Variants in PCDH15 observed in about 807,000 individuals in gnomAD.
PCDH15 encodes the protein protocadherin related 15.
A neutral mutation model predicts 178.5 loss-of-function variants in PCDH15; 129 were observed. The observed-to-expected ratio is 0.72, with a 90% CI of 0.63 to 0.84. The LOEUF is 0.84. Among genes scored for constraint, PCDH15 ranks in the 40% least tolerant of loss-of-function variants. The probability of loss-of-function intolerance (pLI) is 0.00; values close to 1 mark genes in which losing one functional copy is unlikely to be tolerated. For missense variants in PCDH15, 2,230 were observed against 2,099.9 expected, an observed-to-expected ratio of 1.06 and a Z score of -1.21; for synonymous variants, 800 against 732.0, an observed-to-expected ratio of 1.09 and a Z score of -1.50.
intron 1 of PCDH15, among the ~76,000 whole-genome samples, chr10:55,216,217 C>A (rs773808622): frequency 6.6e-6 from 1 of 151,710 alleles, no homozygotes; most frequent in Non-Finnish European, 1.5e-5. Flanking sequence ...TTATATAAAT[C>A]TTCTGATATA....
At chr10:54,421,667 TATAC>T (rs1444550921) in intron 3 of PCDH15, among the ~76,000 whole-genome samples, 7 of 68,412 alleles carry the variant, frequency 1.0e-4, no homozygotes, top group African/African-American at 5.2e-4. Flanking sequence ...GTAGTGTATA[TATAC>T]ATATATATAT....
chr10:54,218,712 C>G (rs1484410312), intron 9 of PCDH15, among the ~76,000 whole-genome samples: 2 of 151,192 alleles, frequency 1.3e-5, no homozygotes, highest in Non-Finnish European at 2.9e-5. Flanking sequence ...AATGGTAGTG[C>G]AAGCAGACTA....
At chr10:53,953,084 C>T (rs748287996) in intron 23 of PCDH15, among the ~76,000 whole-genome samples, 7 of 152,230 alleles carry the variant, frequency 4.6e-5, no homozygotes, top group Non-Finnish European at 7.3e-5. Context: ...CCTGCCTGTT[C>T]TCAGCTCTCA....
chr10:54,153,125 C>A lies in PCDH15; in HGVS notation c.1759G>T (p.Asp587Tyr). ...CTTCGCTCTGCAGGAGGAGCATTATCCGCTGCTTGGACCGTGAGTGCGTAA... is the reference window on the plus strand; with the variant it reads ...CTTCGCTCTGCAGGAGGAGCATTATACGCTGCTTGGACCGTGAGTGCGTAA... ...RTYALTVQAA[D>Y]NAPPAERRNS... is the part of the protein sequence containing the mutation. Residue 587 changes from aspartate to tyrosine, a missense_variant, in exon 14 of 38, where the codon GAT becomes TAT. By Grantham distance (160) the Asp-to-Tyr change is radical (BLOSUM62 -3). Coordinates refer to ENST00000644397, the MANE Select transcript of PCDH15 (RefSeq NM_001384140.1). 1 of 1,613,858 alleles carries A rather than the reference C, an allele frequency of 6.2e-7. No individual in the cohort carries two copies. Among genetic ancestry groups the A allele is most frequent in the Non-Finnish European group, 8.5e-7 (1 of 1,179,844 alleles).
In PCDH15 at chr10:55,224,496, C is replaced by T. The variant is rs936923166; in HGVS notation, c.-155-57845G>A. On this transcript the variant is annotated intron_variant, in intron 1 of 5. Coordinates refer to the PCDH15 transcript ENST00000458638. Reference sequence around the variant, plus strand: ...GTGAAGAAATCCAGGCGACCCTGCTCCTTACATGAAGCAGAGATCAGTCAT... The same window carrying T: ...GTGAAGAAATCCAGGCGACCCTGCTTCTTACATGAAGCAGAGATCAGTCAT... Among the ~76,000 whole-genome samples the T allele has an allele frequency of 1.8e-4, 27 of 152,008 alleles. 1 individual carries two copies. The highest frequency in any genetic ancestry group is 5.9e-5 in the Non-Finnish European group (4 of 68,024).
At chr10:54,873,795 A>G (rs1440270482) in intron 3 of PCDH15, among the ~76,000 whole-genome samples, 1 of 147,654 alleles carries the variant, frequency 6.8e-6, no homozygotes, top group Non-Finnish European at 1.5e-5. Context: ...GTATATATAT[A>G]TGTTGGCTCT....
chr10:54,652,770 T>C (rs112122579), intron 2 of PCDH15, among the ~76,000 whole-genome samples: 27 of 152,234 alleles, frequency 1.8e-4, no homozygotes, highest in African/African-American at 6.3e-4. Flanking sequence ...AGTACCTTGA[T>C]CTTGGATAAT....
rs908432214 is a variant in PCDH15 at position 55,295,112 on chromosome 10, T to C, written c.-156+24487A>G. On this transcript the variant is annotated intron_variant, in intron 1 of 5. Transcript: ENST00000458638. ...TCATAAGATAGATATAAGAAAGTTTTGTGTCAACATCATTTAAAAGAAAAA... is the reference window on the plus strand; with the variant it reads ...TCATAAGATAGATATAAGAAAGTTTCGTGTCAACATCATTTAAAAGAAAAA... Among the ~76,000 whole-genome samples the C allele has an allele frequency of 3.3e-5, 5 of 152,186 alleles. 1 individual carries two copies. Among genetic ancestry groups the C allele is most frequent in the East Asian group, 1.9e-4 (1 of 5,194 alleles).
rs111704836 is a variant in PCDH15 at position 55,143,440 on chromosome 10, C to T, written c.-80+23136G>A. On this transcript the variant is annotated intron_variant, in intron 2 of 5. Transcript: ENST00000458638. ...CATGAGATAGGTTCTGGTCACTGGACTTTTTTCTTGACACACTCAAACTGT... is the reference window on the plus strand; with the variant it reads ...CATGAGATAGGTTCTGGTCACTGGATTTTTTTCTTGACACACTCAAACTGT... Among the ~76,000 whole-genome samples, 434 of 152,118 alleles carry T rather than the reference C, an allele frequency of 2.9e-3. 1 individual carries two copies. Among genetic ancestry groups the T allele is most frequent in the African/African-American group, 9.4e-3 (391 of 41,506 alleles).
chr10:54,883,430 C>G (rs1954298733), intron 3 of PCDH15, among the ~76,000 whole-genome samples: 1 of 151,774 alleles, frequency 6.6e-6, no homozygotes, highest in Non-Finnish European at 1.5e-5. Context: ...TAGAACATAC[C>G]CTACGTATCC....
At chr10:54,670,327 C>T (rs2094640530) in intron 1 of PCDH15, among the ~76,000 whole-genome samples, 1 of 152,098 alleles carries the variant, frequency 6.6e-6, no homozygotes, top group African/African-American at 2.4e-5. Flanking sequence ...ACATGAAACA[C>T]ATAAGGTAAG....
intron 2 of PCDH15, among the ~76,000 whole-genome samples, chr10:54,949,855 C>T (rs893690052): frequency 3.3e-5 from 5 of 151,906 alleles, no homozygotes; most frequent in Admixed American, 2.0e-4. Flanking sequence ...ATTCCAGTTC[C>T]CAACAAATTC....
At chr10:54,709,267 T>C (rs987133247) in intron 1 of PCDH15, among the ~76,000 whole-genome samples, 1 of 152,012 alleles carries the variant, frequency 6.6e-6, no homozygotes, top group Non-Finnish European at 1.5e-5. Context: ...AACAGAATTT[T>C]ATACGTAAGT....
At chr10:55,147,777 G>T (rs1010876360) in intron 2 of PCDH15, among the ~76,000 whole-genome samples, 2 of 150,710 alleles carry the variant, frequency 1.3e-5, no homozygotes, top group South Asian at 4.2e-4. Flanking sequence ...TCGTTATTTA[G>T]CATTAGGTAT....
intron 1 of PCDH15, among the ~76,000 whole-genome samples, chr10:54,695,556 G>T (rs1243868815): frequency 6.6e-6 from 1 of 152,124 alleles, no homozygotes; most frequent in African/African-American, 2.4e-5. Context: ...TTTTAATATA[G>T]ATGAAAATAC....
At chr10:54,750,112 C>T (rs1043489533) in intron 1 of PCDH15, among the ~76,000 whole-genome samples, 6 of 151,976 alleles carry the variant, frequency 3.9e-5, no homozygotes, top group African/African-American at 1.4e-4. Flanking sequence ...TTCTCTCTTT[C>T]TCTCCTCTCT....
At chr10:55,216,328 T>C (rs1840701288) in intron 1 of PCDH15, among the ~76,000 whole-genome samples, 1 of 151,998 alleles carries the variant, frequency 6.6e-6, no homozygotes, top group Non-Finnish European at 1.5e-5. Context: ...CAATTTCAAT[T>C]ATTAAATATG....
At chr10:54,865,391 C>T (rs1416343105) in intron 3 of PCDH15, among the ~76,000 whole-genome samples, 1 of 152,204 alleles carries the variant, frequency 6.6e-6, no homozygotes, top group African/African-American at 2.4e-5. Context: ...TTTGACCACA[C>T]ACTGAAGGCT....
At chr10:54,161,007 C>T (rs1021528259) in intron 13 of PCDH15, among the ~76,000 whole-genome samples, 18 of 152,024 alleles carry the variant, frequency 1.2e-4, no homozygotes, top group East Asian at 5.8e-4. Context: ...TAGCACTTTT[C>T]GTAAGATATC....
Sources: allele counts gnomAD v4.1 joint callset (sites outside exome capture counted in the v4.1 genomes callset), GRCh38; gene constraint gnomAD v4.1.1; transcripts MANE v1.5; gene names NCBI Gene and HGNC (gene_info 2026-07-23, HGNC 2026-07-21).